The following ELOVL2 variants were observed in gnomAD, a reference collection of about 807,000 sequenced individuals.
ELOVL2 encodes the protein ELOVL fatty acid elongase 2.
In ELOVL2, 38 loss-of-function variants were observed where a neutral mutation model predicts 37.7. That is an observed-to-expected ratio of 1.01 (90% CI 0.78 to 1.32). The LOEUF is 1.32. Ranked by LOEUF, ELOVL2 falls within the 40% of genes most tolerant of loss-of-function variation. The pLI is 0.00. For synonymous variants in ELOVL2, 115 were observed against 122.3 expected, an observed-to-expected ratio of 0.94 and a Z score of 0.40; for missense variants, 352 against 363.6, an observed-to-expected ratio of 0.97 and a Z score of 0.26.
At chr6:11,027,629 T>TGTGTAATAATA (rs1382785406) in intron 1 of ELOVL2, among the ~76,000 whole-genome samples, 1 of 152,252 alleles carries the variant, frequency 6.6e-6, no homozygotes, top group Non-Finnish European at 1.5e-5. Flanking sequence ...GTATTATTTT[T>TGTGTAATAATA]CTTCCACACG....
At chr6:11,006,125 T>C (rs1782479999) in intron 2 of ELOVL2, among the ~76,000 whole-genome samples, 1 of 152,156 alleles carries the variant, frequency 6.6e-6, no homozygotes, top group Non-Finnish European at 1.5e-5. Context: ...CTAGTATCAG[T>C]AATGGAAGGG....
intron 1 of ELOVL2, among the ~76,000 whole-genome samples, chr6:11,037,442 A>C (rs969037975): frequency 6.6e-6 from 1 of 152,106 alleles, no homozygotes; most frequent in Admixed American, 6.6e-5. Flanking sequence ...AAAGTATTGG[A>C]AATAAAACCA....
chr6:11,008,648 T>C (rs1461668454), intron 2 of ELOVL2, among the ~76,000 whole-genome samples: 2 of 152,102 alleles, frequency 1.3e-5, no homozygotes, highest in Admixed American at 6.5e-5. Context: ...CTGTTCTCCT[T>C]TCTACCCACT....
Position 11,010,750 on chromosome 6 carries a change from C to T in ELOVL2, c.63G>A (p.Pro21=), listed in dbSNP as rs765234597. ...GTTCTCAAGTAATTCACTGACCTCG[C>T]GGTCCAAACATATTGTCCAAAAAAG... ...INAFLDNMFG[P]RDSRVRGWFM... The change falls in exon 2 of 8, where the codon CCG becomes CCA. Residue 21 remains proline (P), a synonymous_variant. Transcript: ENST00000354666. 1.7e-5 allele frequency: 28 copies of T among 1,611,980 alleles called. No homozygotes were observed. The African/African-American group carries it at 2.7e-4, about 15-fold the overall frequency.
rs1355643977 is a variant in ELOVL2 at position 11,012,691 on chromosome 6, G to C, written c.4-1882C>G. On this transcript the variant is annotated intron_variant, in intron 1 of 7. Transcript: ENST00000354666. ...AAGGGCAGAAACAAAAGTAAAACAA[G>C]GGAAGATGTGGAGAACAGAAAAGGA... Among the ~76,000 whole-genome samples the C allele has an allele frequency of 4.6e-5, 7 of 152,122 alleles. No individual in the cohort carries two copies. In the East Asian group the frequency reaches 1.3e-3, roughly 29 times the overall value.
At chr6:11,025,401 C>G (rs1307267958) in intron 1 of ELOVL2, among the ~76,000 whole-genome samples, 2 of 152,114 alleles carry the variant, frequency 1.3e-5, no homozygotes, top group Non-Finnish European at 2.9e-5. Context: ...ATGAACTGGG[C>G]AGACAGAACT....
intron 1 of ELOVL2, among the ~76,000 whole-genome samples, chr6:11,013,587 A>G (rs1782620730): frequency 6.6e-6 from 1 of 152,226 alleles, no homozygotes; most frequent in South Asian, 2.1e-4. Context: ...ATATGAAGGA[A>G]AAGGAGACAG....
chr6:11,032,783 A>G (rs1224779346), intron 1 of ELOVL2, among the ~76,000 whole-genome samples: 1 of 152,206 alleles, frequency 6.6e-6, no homozygotes, highest in Non-Finnish European at 1.5e-5. Context: ...AGTAAGGGAG[A>G]CAGATAATAC....
chr6:10,990,687 G>A (rs1271159669), intron 5 of ELOVL2, among the ~76,000 whole-genome samples: 1 of 149,414 alleles, frequency 6.7e-6, no homozygotes, highest in Non-Finnish European at 1.5e-5. Context: ...CGCCACACAG[G>A]GGAACACCTT....
Position 11,041,672 on chromosome 6 carries a change from G to C in ELOVL2, c.3+2556C>G, listed in dbSNP as rs537582464. On this transcript the variant is annotated intron_variant, in intron 1 of 7. Transcript: ENST00000354666. Reference sequence around the variant, plus strand: ...TAATTTCTACTACCTACCTGGGAAAGATGGTAACCACAGAACTGCTGAACT... The same window carrying C: ...TAATTTCTACTACCTACCTGGGAAACATGGTAACCACAGAACTGCTGAACT... Among the ~76,000 whole-genome samples the C allele has an allele frequency of 1.8e-4, 27 of 152,250 alleles. No individual in the cohort carries two copies. The East Asian group carries it at 5.2e-3, about 29-fold the overall frequency.
intron 4 of ELOVL2, among the ~76,000 whole-genome samples, chr6:10,997,524 A>G (rs992743005): frequency 6.6e-6 from 1 of 152,230 alleles, no homozygotes; most frequent in African/African-American, 2.4e-5. Context: ...TCTAACCAAT[A>G]ACAGTTCTCT....
At chr6:11,042,595 G>C (rs912995849) in intron 1 of ELOVL2, among the ~76,000 whole-genome samples, 66 of 151,916 alleles carry the variant, frequency 4.3e-4, no homozygotes, top group African/African-American at 1.5e-3. Context: ...AGGAGAGCCA[G>C]TTGGTCCTAA....
At chr6:10,984,448 G>A (rs1042300254) in intron 7 of ELOVL2, among the ~76,000 whole-genome samples, 1 of 151,096 alleles carries the variant, frequency 6.6e-6, no homozygotes. Context: ...CCATGCTGGT[G>A]TGCTGCACCC....
At chr6:10,987,988 A>C (rs147205325) in intron 7 of ELOVL2, among the ~76,000 whole-genome samples, 319 of 152,300 alleles carry the variant, frequency 2.1e-3, no homozygotes, top group African/African-American at 7.1e-3. Flanking sequence ...TGTAGGGCTA[A>C]GGCTTTGAAT....
At chr6:11,004,145 C>T (rs1287632208) in intron 3 of ELOVL2, among the ~76,000 whole-genome samples, 1 of 148,544 alleles carries the variant, frequency 6.7e-6, no homozygotes, top group Non-Finnish European at 1.5e-5. Context: ...CCTATACTGA[C>T]TGATGCCTAA....
intron 3 of ELOVL2, among the ~76,000 whole-genome samples, chr6:11,002,361 T>C (rs2113503874): frequency 6.6e-6 from 1 of 152,316 alleles, no homozygotes; most frequent in East Asian, 1.9e-4. Flanking sequence ...TTAATAATTA[T>C]TGCGGTGATT....
At chr6:10,990,241 T>C (rs1782128687) in intron 6 of ELOVL2, 77 bp downstream of exon 6, 5 of 1,558,444 alleles carry the variant, frequency 3.2e-6, no homozygotes, top group Non-Finnish European at 4.3e-6. Flanking sequence ...TAAAAAGCCC[T>C]CTGACTTCTA....
Position 10,989,716 on chromosome 6 carries a change from T to C in ELOVL2, c.752A>G (p.Asn251Ser), listed in dbSNP as rs376331635. ...YMLTLVILFL[N>S]FYVQTYRKKP... The stretch of plus-strand genomic sequence containing the variant: ...CATTCCACGTACCTGAACGTAAAAA[T>C]TTAAGAAGAGGATGACTAACGTTAG... The change falls in exon 7 of 8, where the codon AAT (asparagine) becomes AGT (serine). Residue 251 changes from asparagine (N) to serine (S), a missense_variant. Asn to Ser is a conservative substitution (Grantham distance 46). Transcript: ENST00000354666. 59 of 1,613,518 alleles carry C rather than the reference T, an allele frequency of 3.7e-5. No homozygotes were observed. Among genetic ancestry groups the C allele is most frequent in the Non-Finnish European group, 4.7e-5 (55 of 1,179,748 alleles).
intron 4 of ELOVL2, among the ~76,000 whole-genome samples, chr6:10,997,010 C>CA (rs1481177956): frequency 3.3e-5 from 5 of 151,430 alleles, no homozygotes; most frequent in East Asian, 1.9e-4. Context: ...AACTCTGTCT[C>CA]AAAAAAAAGG....
Sources: gnomAD v4.1 joint callset for allele counts (sites outside exome capture counted in the v4.1 genomes callset) on GRCh38, gnomAD v4.1.1 for gene constraint, MANE v1.5 for transcripts, NCBI Gene and HGNC (gene_info 2026-07-23, HGNC 2026-07-21) for gene names.